HCN1: variants seen among roughly 807,000 people sequenced by gnomAD.
HCN1 encodes the protein hyperpolarization activated cyclic nucleotide gated potassium channel 1.
In HCN1, 13 loss-of-function variants were observed where a neutral mutation model predicts 78.9. The ratio of observed to expected loss-of-function variants is 0.16; its 90% CI spans 0.11 to 0.26. HCN1 has a LOEUF of 0.26. HCN1 is among the 10% of genes least tolerant of loss of function. The pLI, the probability that HCN1 is intolerant of heterozygous loss-of-function variation, is 1.00. For synonymous variants in HCN1, 552 were observed against 455.5 expected, an observed-to-expected ratio of 1.21 and a Z score of -2.70; for missense variants, 810 against 1,154.3, an observed-to-expected ratio of 0.70 and a Z score of 4.32.
At chr5:45,533,676 A>G (rs928291847) in intron 2 of HCN1, among the ~76,000 whole-genome samples, 2 of 152,204 alleles carry the variant, frequency 1.3e-5, no homozygotes, top group African/African-American at 4.8e-5. Flanking sequence ...TACCATATGG[A>G]GGGCACAGCA....
chr5:45,545,750 AG>A (rs932539128), intron 2 of HCN1, among the ~76,000 whole-genome samples: 82 of 152,198 alleles, frequency 5.4e-4, no homozygotes, highest in African/African-American at 1.6e-3. Flanking sequence ...CAAAGATCAG[AG>A]GTACCTTCTG....
intron 1 of HCN1, among the ~76,000 whole-genome samples, chr5:45,652,300 C>T (rs1745689777): frequency 6.6e-6 from 1 of 151,730 alleles, no homozygotes; most frequent in African/African-American, 2.4e-5. Flanking sequence ...AGCTGCTCAC[C>T]TCTCCTACTT....
intron 5 of HCN1, among the ~76,000 whole-genome samples, chr5:45,312,984 T>TA (rs1353885623): frequency 1.3e-5 from 2 of 152,138 alleles, no homozygotes; most frequent in African/African-American, 4.8e-5. Context: ...TCTGCAGACT[T>TA]AAATGTCCCT....
At chr5:45,591,625 A>G (rs866558613) in intron 2 of HCN1, among the ~76,000 whole-genome samples, 1 of 152,210 alleles carries the variant, frequency 6.6e-6, no homozygotes, top group South Asian at 2.1e-4. Context: ...GATTAAAGCA[A>G]AGACATTCTT....
At chr5:45,496,324 T>C (rs1371659111) in intron 2 of HCN1, among the ~76,000 whole-genome samples, 1 of 151,776 alleles carries the variant, frequency 6.6e-6, no homozygotes, top group Non-Finnish European at 1.5e-5. Flanking sequence ...CCTGGTTTAG[T>C]CTTGGGAGAG....
At chr5:45,502,978 C>G (rs1742221678) in intron 2 of HCN1, among the ~76,000 whole-genome samples, 1 of 152,060 alleles carries the variant, frequency 6.6e-6, no homozygotes, top group Admixed American at 6.6e-5. Flanking sequence ...TTGGTATATA[C>G]ATGTTATAAA....
At chr5:45,290,477 T>C (rs1472595655) in intron 6 of HCN1, among the ~76,000 whole-genome samples, 1 of 152,066 alleles carries the variant, frequency 6.6e-6, no homozygotes, top group Admixed American at 6.6e-5. Context: ...ACTGAAACAC[T>C]AAGTCTAATT....
chr5:45,624,293 C>T (rs1341672013), intron 2 of HCN1, among the ~76,000 whole-genome samples: 2 of 152,196 alleles, frequency 1.3e-5, no homozygotes, highest in African/African-American at 4.8e-5. Flanking sequence ...CAATAACCCA[C>T]GCAAGAGATT....
chr5:45,374,888 A>G (rs1394349611), intron 4 of HCN1, among the ~76,000 whole-genome samples: 2 of 144,684 alleles, frequency 1.4e-5, no homozygotes, highest in Non-Finnish European at 3.0e-5. Context: ...GTATATATAT[A>G]GAGAGAGACA....
intron 2 of HCN1, among the ~76,000 whole-genome samples, chr5:45,493,149 T>C (rs1028888284): frequency 6.6e-6 from 1 of 152,130 alleles, no homozygotes; most frequent in African/African-American, 2.4e-5. Context: ...TCTCAAAAAC[T>C]ACTGAGTTTT....
intron 6 of HCN1, among the ~76,000 whole-genome samples, chr5:45,269,210 A>G (rs1045114880): frequency 6.6e-6 from 1 of 152,244 alleles, no homozygotes; most frequent in African/African-American, 2.4e-5. Context: ...AAAATGTTCT[A>G]AAACCTGATT....
At chr5:45,680,113 T>C (rs1040670491) in intron 1 of HCN1, among the ~76,000 whole-genome samples, 2 of 152,160 alleles carry the variant, frequency 1.3e-5, no homozygotes, top group African/African-American at 4.8e-5. Context: ...ATATCAGTTT[T>C]ATTTTACATA....
chr5:45,667,756 T>C (rs995025561), intron 1 of HCN1, among the ~76,000 whole-genome samples: 3 of 151,986 alleles, frequency 2.0e-5, no homozygotes, highest in Admixed American at 2.0e-4. Flanking sequence ...GCTCTCTTGT[T>C]ATGTTTCAAC....
intron 5 of HCN1, among the ~76,000 whole-genome samples, chr5:45,346,913 T>G (rs1746730133): frequency 1.3e-5 from 2 of 152,222 alleles, no homozygotes; most frequent in African/African-American, 4.8e-5. Context: ...TGCCTGCCTC[T>G]GTAGGCTCCA....
chr5:45,489,808 G>A (rs1741842816), intron 2 of HCN1, among the ~76,000 whole-genome samples: 1 of 152,174 alleles, frequency 6.6e-6, no homozygotes, highest in South Asian at 2.1e-4. Flanking sequence ...CGAAGTAGTA[G>A]GCAATGTGAT....
chr5:45,652,870 T>C (rs1745703539), intron 1 of HCN1, among the ~76,000 whole-genome samples: 1 of 152,038 alleles, frequency 6.6e-6, no homozygotes, highest in African/African-American at 2.4e-5. Context: ...ATATCTTCCC[T>C]AATACAATAT....
At chr5:45,269,359 C>A (rs2111850245) in intron 6 of HCN1, among the ~76,000 whole-genome samples, 1 of 152,052 alleles carries the variant, frequency 6.6e-6, no homozygotes, top group East Asian at 1.9e-4. Flanking sequence ...TATTTTTTAT[C>A]TTTATACTTA....
intron 3 of HCN1, among the ~76,000 whole-genome samples, chr5:45,454,307 T>C (rs572287137): frequency 1.3e-5 from 2 of 151,976 alleles, no homozygotes; most frequent in Admixed American, 6.6e-5. Flanking sequence ...TAGAGAGCAG[T>C]TGCCAGGCAG....
At position 45,349,929 on chromosome 5, in the gene HCN1, G is replaced by A. The variant is rs577647077; in HGVS notation, c.1377+3171C>T. 7.2e-5 allele frequency among the ~76,000 whole-genome samples: 11 copies of A among 152,162 alleles called. No individual in the cohort carries two copies. In the East Asian group the frequency reaches 1.2e-3, roughly 16 times the overall value. ...TCCAGGACCAGATGGATTCACAGCC[G>A]AATTCCACCAGAGGTACAAGGAGGA... On this transcript the variant is annotated intron_variant, in intron 5 of 7. Transcript: ENST00000303230.
Sources: gnomAD v4.1 joint callset for allele counts (sites outside exome capture counted in the v4.1 genomes callset) on GRCh38, gnomAD v4.1.1 for gene constraint, MANE v1.5 for transcripts, NCBI Gene and HGNC (gene_info 2026-07-23, HGNC 2026-07-21) for gene names.